P2RY14: variants seen among roughly 807,000 people sequenced by gnomAD.
The protein encoded by P2RY14 is P2Y purinoceptor 14.
P2RY14 carries 2 observed loss-of-function variants against 0.9 expected under a neutral mutation model. That is an observed-to-expected ratio of 2.16 (90% CI 0.88 to 6.79). The LOEUF (loss-of-function observed/expected upper bound fraction) is 6.79. Among genes scored for constraint, P2RY14 ranks in the 30% most tolerant of loss-of-function variants. The pLI, the probability that P2RY14 is intolerant of heterozygous loss-of-function variation, is 0.05. For synonymous variants in P2RY14, 158 were observed against 147.2 expected, an observed-to-expected ratio of 1.07 and a Z score of -0.53; for missense variants, 378 against 400.1, an observed-to-expected ratio of 0.94 and a Z score of 0.47.
intron 2 of P2RY14, among the ~76,000 whole-genome samples, chr3:151,216,154 G>A (rs1205920450): frequency 6.6e-6 from 1 of 151,974 alleles, no homozygotes; most frequent in Admixed American, 6.6e-5. Flanking sequence ...TTTTACTCTT[G>A]AATTCTTTGC....
At chr3:151,219,030 G>GGA (rs1221768396) in intron 2 of P2RY14, among the ~76,000 whole-genome samples, 5 of 152,198 alleles carry the variant, frequency 3.3e-5, no homozygotes, top group African/African-American at 7.2e-5. Context: ...CTGTCACTTT[G>GGA]GAGACTTTGG....
intron 2 of P2RY14, among the ~76,000 whole-genome samples, chr3:151,218,062 G>A (rs1221433901): frequency 6.6e-6 from 1 of 152,174 alleles, no homozygotes; most frequent in Non-Finnish European, 1.5e-5. Flanking sequence ...CTTATCTTTA[G>A]TACAGATTGA....
At chr3:151,275,574 G>A (rs1741713327) in intron 1 of P2RY14, among the ~76,000 whole-genome samples, 1 of 152,156 alleles carries the variant, frequency 6.6e-6, no homozygotes, top group African/African-American at 2.4e-5. Context: ...GGATTGAGAA[G>A]CTTTGCTGTG....
chr3:151,247,959 CTTCTTTT>C (rs1475843268), intron 1 of P2RY14, among the ~76,000 whole-genome samples: 803 of 65,308 alleles, frequency 0.012, 3 homozygotes, highest in African/African-American at 0.043. Context: ...TCTTCTTCTT[CTTCTTTT>C]TTTTTTTTTT....
intron 1 of P2RY14, among the ~76,000 whole-genome samples, chr3:151,220,463 C>T (rs1273918501): frequency 2.6e-5 from 4 of 152,148 alleles, no homozygotes; most frequent in South Asian, 2.1e-4. Flanking sequence ...GAGTTTGGCA[C>T]GTGATATGGT....
chr3:151,213,223 ATATCT>A lies in P2RY14; in HGVS notation c.*72_*76del. The stretch of plus-strand genomic sequence containing the variant: ...GAGATGATATTTATGATGAGGGCAC[ATATCT>A]TATTGATTTCTGTTATGTAATTGAA... On this transcript the variant is annotated 3_prime_UTR_variant, in exon 3 of 3. Coordinates refer to ENST00000309170, the MANE Select transcript of P2RY14 (RefSeq NM_014879.4). 9.1e-7 allele frequency: 1 copy of A among 1,100,874 alleles called. No individual in the cohort carries two copies. Among genetic ancestry groups the A allele is most frequent in the South Asian group, 1.5e-5 (1 of 64,928 alleles). The allele number at this position is 1,100,874 out of a possible 1,614,324, so 68.2% of individuals were successfully genotyped here.
At chr3:151,238,056 T>C (rs907486720) in intron 1 of P2RY14, among the ~76,000 whole-genome samples, 1 of 152,244 alleles carries the variant, frequency 6.6e-6, no homozygotes, top group Admixed American at 6.5e-5. Context: ...GATCAAATTA[T>C]CGTTTTTTTC....
chr3:151,245,005 ACTAGAAAAT>A (rs1306937759), intron 1 of P2RY14, among the ~76,000 whole-genome samples: 2 of 118,784 alleles, frequency 1.7e-5, no homozygotes, highest in Non-Finnish European at 3.9e-5. Context: ...ACGCAAATAA[ACTAGAAAAT>A]CTAGAAGAAA....
intron 1 of P2RY14, among the ~76,000 whole-genome samples, chr3:151,235,774 A>T (rs1577063429): frequency 1.3e-5 from 2 of 152,098 alleles, no homozygotes; most frequent in East Asian, 3.9e-4. Context: ...TCTGCCTGTG[A>T]TTGTCAGTCT....
chr3:151,227,980 A>T (rs1044440235), intron 1 of P2RY14, among the ~76,000 whole-genome samples: 7 of 152,210 alleles, frequency 4.6e-5, no homozygotes, highest in Non-Finnish European at 1.5e-5. Context: ...CTTGAGAACC[A>T]CTGGAATGAC....
chr3:151,259,590 A>T (rs1417204598), intron 1 of P2RY14, among the ~76,000 whole-genome samples: 14 of 152,162 alleles, frequency 9.2e-5, no homozygotes, highest in Admixed American at 8.5e-4. Context: ...AATACTAAAA[A>T]TTTTTTGCAA....
chr3:151,232,233 A>C (rs780525375), intron 1 of P2RY14, among the ~76,000 whole-genome samples: 6 of 152,202 alleles, frequency 3.9e-5, no homozygotes, highest in Non-Finnish European at 8.8e-5. Context: ...GTCTTTACTT[A>C]AAACATTGTT....
chr3:151,276,500 G>A (rs547151891), intron 1 of P2RY14, among the ~76,000 whole-genome samples: 5 of 152,266 alleles, frequency 3.3e-5, no homozygotes, highest in Admixed American at 1.3e-4. Flanking sequence ...TCTGTTTTTG[G>A]TATTCTAGAG....
chr3:151,223,514 A>C (rs1425582126), intron 1 of P2RY14, among the ~76,000 whole-genome samples: 1 of 152,248 alleles, frequency 6.6e-6, no homozygotes, highest in African/African-American at 2.4e-5. Flanking sequence ...GCAGCCATAC[A>C]AAAGAAATCA....
chr3:151,214,257 G>T lies in P2RY14; in HGVS notation c.60C>A (p.Ile20=). The T allele has an allele frequency of 6.2e-7, 1 of 1,613,940 alleles. No individual in the cohort carries two copies. Among genetic ancestry groups the T allele is most frequent in the Non-Finnish European group, 8.5e-7 (1 of 1,179,856 alleles). The change falls in exon 3 of 3, where the codon ATC becomes ATA. Residue 20 remains isoleucine (I), a synonymous_variant. Coordinates refer to ENST00000309170, the MANE Select transcript of P2RY14 (RefSeq NM_014879.4). ...ACAGCACAGGAATGATCTGCTGAGTGATCAGGAGGTTCTGAGAGCAGGATT... is the reference window on the plus strand; with the variant it reads ...ACAGCACAGGAATGATCTGCTGAGTTATCAGGAGGTTCTGAGAGCAGGATT... ...PDESCSQNLL[I]TQQIIPVLYC... is the part of the protein sequence containing the mutation.
At chr3:151,238,815 A>G (rs1346002414) in intron 1 of P2RY14, among the ~76,000 whole-genome samples, 1 of 152,238 alleles carries the variant, frequency 6.6e-6, no homozygotes, top group East Asian at 1.9e-4. Context: ...TGTATAAAGT[A>G]CATTTGCTAC....
At chr3:151,262,989 A>G (rs1029767463) in intron 1 of P2RY14, among the ~76,000 whole-genome samples, 2 of 152,150 alleles carry the variant, frequency 1.3e-5, no homozygotes, top group Admixed American at 6.5e-5. Context: ...GCATCTTAAC[A>G]TGTACCCTCT....
At chr3:151,250,469 GTTC>G (rs1232636375) in intron 1 of P2RY14, among the ~76,000 whole-genome samples, 2 of 152,088 alleles carry the variant, frequency 1.3e-5, no homozygotes, top group East Asian at 3.9e-4. Context: ...GGTAACTACT[GTTC>G]TTCTCTACGA....
At position 151,213,420 on chromosome 3, in the gene P2RY14, G is replaced by A. The variant is rs763811837; in HGVS notation, c.897C>T (p.Cys299=). 1.9e-6 allele frequency: 3 copies of A among 1,614,082 alleles called. No homozygotes were observed. Among genetic ancestry groups the A allele is most frequent in the African/African-American group, 2.7e-5 (2 of 75,040 alleles). The change falls in exon 3 of 3, where the codon TGC becomes TGT. Residue 299 remains cysteine (C), a synonymous_variant. Coordinates refer to ENST00000309170, the MANE Select transcript of P2RY14 (RefSeq NM_014879.4). ...CLDPIIYFFL[C]QPFREILCKK... ...TACATAAGATTTCCCTAAACGGCTG[G>A]CATAGAAAGAAATAAATAATAGGGT... is the stretch of plus-strand genomic sequence containing the variant.
Sources: allele counts gnomAD v4.1 joint callset (sites outside exome capture counted in the v4.1 genomes callset), GRCh38; gene constraint gnomAD v4.1.1; transcripts MANE v1.5; gene names NCBI Gene and HGNC (gene_info 2026-07-23, HGNC 2026-07-21).